Variants in MYO5B observed in about 807,000 individuals in gnomAD.
MYO5B encodes the protein unconventional myosin-Vb.
MYO5B carries 143 observed loss-of-function variants against 229.3 expected under a neutral mutation model. That is an observed-to-expected ratio of 0.62 (90% confidence interval 0.54 to 0.72). The LOEUF is 0.72. MYO5B is among the 30% of genes least tolerant of loss of function. MYO5B has a pLI of 0.00. For synonymous variants in MYO5B, 918 were observed against 885.2 expected, an observed-to-expected ratio of 1.04 and a Z score of -0.66; for missense variants, 2,321 against 2,331.0, an observed-to-expected ratio of 1.00 and a Z score of 0.09.
At chr18:50,107,781 T>C (rs1376960938) in intron 1 of MYO5B, among the ~76,000 whole-genome samples, 1 of 152,218 alleles carries the variant, frequency 6.6e-6, no homozygotes, top group Non-Finnish European at 1.5e-5. Flanking sequence ...TCACATAGCA[T>C]ACATGTACTT....
intron 17 of MYO5B, among the ~76,000 whole-genome samples, chr18:49,915,973 T>G (rs1481086697): frequency 1.3e-5 from 2 of 152,056 alleles, no homozygotes; most frequent in South Asian, 4.1e-4. Context: ...AGAGTCCGAG[T>G]CCCCTTGGTC....
intron 1 of MYO5B, among the ~76,000 whole-genome samples, chr18:50,191,879 A>G (rs562793392): frequency 3.9e-5 from 6 of 152,370 alleles, no homozygotes; most frequent in African/African-American, 1.4e-4. Context: ...TCAGGGCAAC[A>G]TGAATTCTAC....
chr18:50,073,835 C>T (rs2031015774), intron 1 of MYO5B, among the ~76,000 whole-genome samples: 1 of 152,144 alleles, frequency 6.6e-6, no homozygotes, highest in Admixed American at 6.5e-5. Flanking sequence ...ATGTCATCAT[C>T]CTGGCTTCCT....
intron 23 of MYO5B, 92 bp from the exon 24 acceptor site, chr18:49,879,182 C>T (rs2024559886): frequency 6.6e-7 from 1 of 1,523,206 alleles, no homozygotes; most frequent in Non-Finnish European, 9.1e-7. Context: ...TGTTAAGAGG[C>T]TGCCCATGAC....
intron 1 of MYO5B, among the ~76,000 whole-genome samples, chr18:50,150,250 T>C (rs1437067669): frequency 2.1e-5 from 3 of 144,126 alleles, no homozygotes; most frequent in Non-Finnish European, 3.1e-5. Flanking sequence ...GTAAACTAGT[T>C]CAACCATTGT....
intron 30 of MYO5B, among the ~76,000 whole-genome samples, chr18:49,855,673 T>A (rs893862493): frequency 7.2e-5 from 11 of 152,204 alleles, no homozygotes; most frequent in Non-Finnish European, 4.4e-5. Flanking sequence ...GTGAGGAAGG[T>A]CCTATTCCAT....
Position 49,867,957 on chromosome 18 carries a change from T to G in MYO5B, c.3604-3577A>C, listed in dbSNP as rs142301840. On this transcript the variant is annotated intron_variant, in intron 27 of 39. Coordinates refer to ENST00000285039, the MANE Select transcript of MYO5B (RefSeq NM_001080467.3). ...AGCCTAGTTTCATCACAGGATTATTTATAAAAGTAAAACATGAGAGTATAT... is the reference window on the plus strand; with the variant it reads ...AGCCTAGTTTCATCACAGGATTATTGATAAAAGTAAAACATGAGAGTATAT... Among the ~76,000 whole-genome samples the G allele has an allele frequency of 1.3e-3, 197 of 152,326 alleles. 1 individual carries two copies. Among genetic ancestry groups the G allele is most frequent in the Middle Eastern group, 3.4e-3 (1 of 294 alleles).
Position 49,853,431 on chromosome 18 carries a change from C to T in MYO5B, c.4221+18G>A, listed in dbSNP as rs1190308303. 6.2e-7 allele frequency: 1 copy of T among 1,613,928 alleles called. No individual in the cohort carries two copies. Among genetic ancestry groups the T allele is most frequent in the Non-Finnish European group, 8.5e-7 (1 of 1,179,966 alleles). The stretch of plus-strand genomic sequence containing the variant: ...CGTGACTTCCCAAAGCTGGGGTCCA[C>T]TAGACATGGCTACCCACCAGATTCT... On this transcript the variant is annotated intron_variant, in intron 31 of 39. Coordinates refer to ENST00000285039, the MANE Select transcript of MYO5B (RefSeq NM_001080467.3).
chr18:50,034,174 G>GAATTGAA (rs2026422953), intron 4 of MYO5B, among the ~76,000 whole-genome samples: 1 of 152,216 alleles, frequency 6.6e-6, no homozygotes, highest in African/African-American at 2.4e-5. Flanking sequence ...AGTACACTGT[G>GAATTGAA]CTAGCCTATG....
At chr18:50,194,460 G>A (rs1315964829) in intron 1 of MYO5B, among the ~76,000 whole-genome samples, 1 of 152,174 alleles carries the variant, frequency 6.6e-6, no homozygotes, top group Non-Finnish European at 1.5e-5. Flanking sequence ...TTGGAGCCGA[G>A]CCCAGGCAAC....
chr18:49,897,685 T>C (rs1044549028), intron 21 of MYO5B, among the ~76,000 whole-genome samples: 3 of 152,202 alleles, frequency 2.0e-5, no homozygotes, highest in Admixed American at 1.3e-4. Flanking sequence ...AGCCACAAGT[T>C]AAAAGTATTA....
chr18:50,174,572 T>C (rs564643418), intron 1 of MYO5B, among the ~76,000 whole-genome samples: 1 of 152,216 alleles, frequency 6.6e-6, no homozygotes, highest in East Asian at 1.9e-4. Flanking sequence ...TGGGAGAACA[T>C]CATGGAAAAC....
intron 14 of MYO5B, among the ~76,000 whole-genome samples, chr18:49,947,484 A>AT (rs2025387739): frequency 6.6e-6 from 1 of 152,126 alleles, no homozygotes; most frequent in Non-Finnish European, 1.5e-5. Context: ...TTAAATTTTT[A>AT]TTTTTTAATT....
At chr18:49,951,827 C>A (rs898199562) in intron 14 of MYO5B, among the ~76,000 whole-genome samples, 3 of 152,150 alleles carry the variant, frequency 2.0e-5, no homozygotes, top group African/African-American at 4.8e-5. Flanking sequence ...GATCCTAGTG[C>A]TCAGAACACT....
intron 1 of MYO5B, among the ~76,000 whole-genome samples, chr18:50,152,753 C>T (rs1388948314): frequency 6.6e-6 from 1 of 151,564 alleles, no homozygotes; most frequent in Non-Finnish European, 1.5e-5. Context: ...CTAAAATAAC[C>T]ATTTCCTAAG....
intron 9 of MYO5B, among the ~76,000 whole-genome samples, chr18:49,976,466 A>C (rs747436290): frequency 1.3e-5 from 2 of 152,234 alleles, no homozygotes; most frequent in Non-Finnish European, 2.9e-5. Flanking sequence ...ACTTAACAGA[A>C]GGAGAGGATA....
At chr18:49,835,636 C>T (rs538183322) in intron 38 of MYO5B, among the ~76,000 whole-genome samples, 4 of 152,294 alleles carry the variant, frequency 2.6e-5, no homozygotes, top group African/African-American at 9.6e-5. Context: ...GCCCTCTCAC[C>T]GAACTCATGT....
intron 1 of MYO5B, among the ~76,000 whole-genome samples, chr18:50,185,962 C>G (rs1175840754): frequency 6.6e-6 from 1 of 152,112 alleles, no homozygotes; most frequent in Admixed American, 6.5e-5. Flanking sequence ...GCAGCACTGC[C>G]CAAGAGAAAC....
At chr18:50,039,139 A>G (rs1360492282) in intron 3 of MYO5B, among the ~76,000 whole-genome samples, 3 of 142,312 alleles carry the variant, frequency 2.1e-5, no homozygotes, top group Non-Finnish European at 4.9e-5. Context: ...CCCTCCCGGG[A>G]CAAGACCACA....
Sources: allele counts gnomAD v4.1 joint callset (sites outside exome capture counted in the v4.1 genomes callset), GRCh38; gene constraint gnomAD v4.1.1; transcripts MANE v1.5; gene names NCBI Gene and HGNC (gene_info 2026-07-23, HGNC 2026-07-21).